SLC2A10: variants seen among roughly 807,000 people sequenced by gnomAD.
SLC2A10 encodes the protein solute carrier family 2, facilitated glucose transporter member 10.
A neutral mutation model predicts 32.1 loss-of-function variants in SLC2A10; 25 were observed. The observed-to-expected ratio is 0.78, with a 90% CI of 0.57 to 1.09. The LOEUF (loss-of-function observed/expected upper bound fraction) is 1.09. SLC2A10 is among the 50% of genes least tolerant of loss of function. The probability of loss-of-function intolerance (pLI) is 0.00; values close to 1 mark genes in which losing one functional copy is unlikely to be tolerated. For missense variants in SLC2A10, 673 were observed against 686.5 expected (o/e 0.98, Z 0.22); for synonymous variants, 332 against 309.6 (o/e 1.07, Z -0.76).
Position 46,725,966 on chromosome 20 carries a change from C to G in SLC2A10, c.930C>G (p.Ser310=), listed in dbSNP as rs766454875. 6.2e-7 allele frequency: 1 copy of G among 1,613,816 alleles called. No homozygotes were observed. Among genetic ancestry groups the G allele is most frequent in the Non-Finnish European group, 8.5e-7 (1 of 1,180,030 alleles). Residue 310 remains serine, a synonymous_variant, in exon 2 of 5, where the codon TCC becomes TCG. Coordinates refer to ENST00000359271, the MANE Select transcript of SLC2A10 (RefSeq NM_030777.4). ...LLAGCALMAL[S]VSGIGLVSFA... ...CTGGCTGTGCCCTCATGGCCCTGTC[C>G]GTCAGTGGCATAGGCCTCGTCAGCT...
rs2123051382 is a variant in SLC2A10 at position 46,726,275 on chromosome 20, G to A, written c.1239G>A (p.Leu413=). The change falls in exon 2 of 5, where the codon CTG becomes CTA. Residue 413 remains leucine, a synonymous_variant. Transcript: ENST00000359271. The part of the protein sequence containing the change: ...RGHALLRWTA[L]LCLMVFVSAF... ...ATGCACTGCTGCGCTGGACCGCACT[G>A]CTGTGCCTGATGGTCTTTGTCAGTG... 1 of 1,612,768 alleles carries A rather than the reference G, an allele frequency of 6.2e-7. No homozygotes were observed. Among genetic ancestry groups the A allele is most frequent in the Non-Finnish European group, 8.5e-7 (1 of 1,180,036 alleles).
chr20:46,718,861 G>A (rs532495215), intron 1 of SLC2A10, among the ~76,000 whole-genome samples: 106 of 151,968 alleles, frequency 7.0e-4, no homozygotes, highest in Non-Finnish European at 1.2e-3. Context: ...CTGCAGCCTC[G>A]ACCTCCTGGG....
chr20:46,732,866 G>A (rs191100049), intron 4 of SLC2A10, among the ~76,000 whole-genome samples: 5 of 152,160 alleles, frequency 3.3e-5, no homozygotes, highest in African/African-American at 1.2e-4. Flanking sequence ...AGTTTCAAGA[G>A]CTGGAAGAAA....
intron 3 of SLC2A10, among the ~76,000 whole-genome samples, chr20:46,727,922 G>A (rs545012519): frequency 6.7e-6 from 1 of 149,016 alleles, no homozygotes; most frequent in Admixed American, 6.8e-5. Context: ...GGGAGGCTGG[G>A]GGGCAGTGCT....
At chr20:46,731,525 G>C (rs554421777) in intron 4 of SLC2A10, among the ~76,000 whole-genome samples, 1 of 152,202 alleles carries the variant, frequency 6.6e-6, no homozygotes, top group Admixed American at 6.5e-5. Context: ...AGGCAGAAAC[G>C]CTGGTGGGAG....
Position 46,725,832 on chromosome 20 carries a change from G to A in SLC2A10, c.796G>A (p.Gly266Arg). The A allele has an allele frequency of 6.2e-7, 1 of 1,614,252 alleles. No individual in the cohort carries two copies. Among genetic ancestry groups the A allele is most frequent in the Admixed American group, 1.7e-5 (1 of 60,034 alleles). Residue 266 changes from glycine (G) to arginine (R), a missense_variant, in exon 2 of 5, where the codon GGA (glycine) becomes AGA (arginine). Transcript: ENST00000359271. ...TIFSSVGFHG[G>R]SSAVLASVGL... ...CTTCAGCTCCGTTGGTTTCCATGGG[G>A]GATCCTCAGCCGTGCTGGCCTCTGT...
chr20:46,711,773 CACTT>C (rs1978927772), intron 1 of SLC2A10, among the ~76,000 whole-genome samples: 1 of 152,178 alleles, frequency 6.6e-6, no homozygotes, highest in Non-Finnish European at 1.5e-5. Flanking sequence ...CAATTCCTCT[CACTT>C]TGTTCCACCA....
Position 46,726,242 on chromosome 20 carries a change from T to G in SLC2A10, c.1206T>G (p.Ala402=), listed in dbSNP as rs764278693. ...SSALPGPPLP[A]RGHALLRWTA... Reference sequence around the variant, plus strand: ...CCCTCCCTGGGCCCCCTCTGCCCGCTCGGGGGCATGCACTGCTGCGCTGGA... The same window carrying G: ...CCCTCCCTGGGCCCCCTCTGCCCGCGCGGGGGCATGCACTGCTGCGCTGGA... The change falls in exon 2 of 5, where the codon GCT becomes GCG. Residue 402 remains alanine, a synonymous_variant. Transcript: ENST00000359271. 6.2e-7 allele frequency: 1 copy of G among 1,613,774 alleles called. No individual in the cohort carries two copies. Among genetic ancestry groups the G allele is most frequent in the Non-Finnish European group, 8.5e-7 (1 of 1,180,034 alleles).
chr20:46,717,870 T>C lies in SLC2A10; in HGVS notation c.5-7171T>C, dbSNP rs899495125. ...TGTAGGTGCCTCTGGGGTGAACAGG[T>C]TTCAGAAGGAGGAGACAATGTGAGT... On this transcript the variant is annotated intron_variant, in intron 1 of 4. Transcript: ENST00000359271. Among the ~76,000 whole-genome samples the C allele has an allele frequency of 2.0e-5, 3 of 152,100 alleles. No individual in the cohort carries two copies. The East Asian group carries it at 5.8e-4, about 29-fold the overall frequency.
intron 1 of SLC2A10, among the ~76,000 whole-genome samples, chr20:46,718,412 G>A (rs761609252): frequency 2.0e-5 from 3 of 152,054 alleles, no homozygotes; most frequent in Non-Finnish European, 4.4e-5. Flanking sequence ...TCTTCTTGTC[G>A]TTTTTCCATT....
chr20:46,708,821 C>G (rs546590766), upstream of SLC2A10, among the ~76,000 whole-genome samples: 1 of 152,328 alleles, frequency 6.6e-6, no homozygotes, highest in Admixed American at 6.5e-5. Context: ...TCCAGACACT[C>G]TGGCTTCATT....
At chr20:46,718,331 G>A (rs1979370010) in intron 1 of SLC2A10, among the ~76,000 whole-genome samples, 1 of 152,014 alleles carries the variant, frequency 6.6e-6, no homozygotes, top group Admixed American at 6.6e-5. Flanking sequence ...CCTTATTTAT[G>A]CTTACCAAAG....
At chr20:46,712,877 A>G (rs1600655561) in intron 1 of SLC2A10, among the ~76,000 whole-genome samples, 1 of 150,452 alleles carries the variant, frequency 6.6e-6, no homozygotes, top group South Asian at 2.1e-4. Context: ...CTGATCTTGA[A>G]CTCATGAACT....
At chr20:46,733,612 A>G in intron 4 of SLC2A10, 144 bp from the exon 5 acceptor site, 2 of 729,252 alleles carry the variant, frequency 2.7e-6, no homozygotes, top group Non-Finnish European at 4.9e-6. Context: ...GAAGGTGGAC[A>G]TTTGTAATAA....
intron 3 of SLC2A10, among the ~76,000 whole-genome samples, chr20:46,728,476 G>A (rs563777534): frequency 2.6e-5 from 4 of 152,138 alleles, no homozygotes; most frequent in Non-Finnish European, 5.9e-5. Context: ...TCTAGGAGGA[G>A]GCTGACTCTG....
At chr20:46,721,450 AAAAG>A (rs1312602512) in intron 1 of SLC2A10, among the ~76,000 whole-genome samples, 10 of 152,072 alleles carry the variant, frequency 6.6e-5, no homozygotes, top group Non-Finnish European at 1.5e-4. Flanking sequence ...AAAAAAAAAA[AAAAG>A]AGAGAGAGAG....
intron 1 of SLC2A10, among the ~76,000 whole-genome samples, chr20:46,716,834 C>T (rs1979272440): frequency 6.6e-6 from 1 of 151,932 alleles, no homozygotes; most frequent in African/African-American, 2.4e-5. Context: ...ACCAGCCTGG[C>T]CAACATGGTG....
In SLC2A10 at chr20:46,734,993, T is replaced by C. The variant is rs1980498037; in HGVS notation, c.*1159T>C. 1 of 152,652 alleles carries C rather than the reference T, an allele frequency of 6.6e-6. No homozygotes were observed. Among genetic ancestry groups the C allele is most frequent in the African/African-American group, 2.4e-5 (1 of 41,460 alleles). 9.5% of individuals were successfully genotyped at this position (152,652 alleles called of 1,614,324 possible). ...GTCCCAGGGGTATATTTAGACCCTGTTTCCTTTCAGGAGGGTCCCCAGCTG... is the reference window on the plus strand; with the variant it reads ...GTCCCAGGGGTATATTTAGACCCTGCTTCCTTTCAGGAGGGTCCCCAGCTG... On this transcript the variant is annotated 3_prime_UTR_variant, in exon 5 of 5. Transcript: ENST00000359271.
chr20:46,727,818 C>A (rs1216158366), intron 3 of SLC2A10, among the ~76,000 whole-genome samples: 1 of 152,192 alleles, frequency 6.6e-6, no homozygotes, highest in South Asian at 2.1e-4. Context: ...ACACAGGCTC[C>A]TTCACTGTGG....
Sources: allele counts gnomAD v4.1 joint callset (sites outside exome capture counted in the v4.1 genomes callset), GRCh38; gene constraint gnomAD v4.1.1; transcripts MANE v1.5; gene names NCBI Gene and HGNC (gene_info 2026-07-23, HGNC 2026-07-21).